ZNF8: variants seen among roughly 807,000 people sequenced by gnomAD.
ZNF8 encodes zinc finger protein 272.
In ZNF8, 9 loss-of-function variants were observed where a neutral mutation model predicts 12.2. That is an observed-to-expected ratio of 0.73 (90% confidence interval 0.44 to 1.28). The LOEUF is 1.28. Ranked by LOEUF, ZNF8 falls within the 50% of genes most tolerant of loss-of-function variation. The probability of loss-of-function intolerance (pLI) is 0.00; values close to 1 mark genes in which losing one functional copy is unlikely to be tolerated. For synonymous variants in ZNF8, 274 were observed against 282.3 expected, an observed-to-expected ratio of 0.97 and a Z score of 0.30; for missense variants, 664 against 729.1, an observed-to-expected ratio of 0.91 and a Z score of 1.03.
In ZNF8 at chr19:58,302,071, T is replaced by G. The variant is rs2051494593; in HGVS notation, c.*6535T>G. The G allele has an allele frequency of 6.6e-6, 1 of 152,192 alleles. No homozygotes were observed. Among genetic ancestry groups the G allele is most frequent in the African/African-American group, 2.4e-5 (1 of 41,442 alleles). The allele number at this position is 152,192 out of a possible 1,614,324, so 9.4% of individuals were successfully genotyped here. A position where few individuals can be genotyped will look rare whatever the true frequency, so the allele number is the denominator to read the frequency against. ...GCTTGAATATTCCTTATCGAAATGCTTGGGACCAGAAGTGTTTCAGATCTT... is the reference window on the plus strand; with the variant it reads ...GCTTGAATATTCCTTATCGAAATGCGTGGGACCAGAAGTGTTTCAGATCTT... On this transcript the variant is annotated 3_prime_UTR_variant, in exon 4 of 4. Coordinates refer to ENST00000621650, the MANE Select transcript of ZNF8 (RefSeq NM_021089.3).
chr19:58,279,195 T>A, intron 1 of ZNF8, 48 bp downstream of exon 1: 2 of 1,541,708 alleles, frequency 1.3e-6, no homozygotes, highest in Non-Finnish European at 8.7e-7. Context: ...GGCAAGCGTC[T>A]CCCGCGCAGA....
chr19:58,283,599 CTTTT>C (rs34775791), intron 1 of ZNF8, among the ~76,000 whole-genome samples: 4 of 122,862 alleles, frequency 3.3e-5, no homozygotes, highest in South Asian at 2.7e-4. Flanking sequence ...GAAATAAACT[CTTTT>C]TTTTTTTTTT....
chr19:58,300,504 G>C lies in ZNF8; in HGVS notation c.*4968G>C, dbSNP rs75258501. The C allele has an allele frequency of 2.0e-5, 3 of 152,372 alleles. No individual in the cohort carries two copies. In the South Asian group the frequency reaches 6.2e-4, roughly 32 times the overall value. The allele number at this position is 152,372 out of a possible 1,614,324, so 9.4% of individuals were successfully genotyped here. On this transcript the variant is annotated 3_prime_UTR_variant, in exon 4 of 4. Coordinates refer to ENST00000621650, the MANE Select transcript of ZNF8 (RefSeq NM_021089.3). ...AGTCTCACTGGCCACAGATGGGTCA[G>C]GGGGCCACCCCTAATAACAACGGGG...
chr19:58,285,363 T>C (rs914388649), intron 1 of ZNF8, among the ~76,000 whole-genome samples: 2 of 152,194 alleles, frequency 1.3e-5, no homozygotes, highest in African/African-American at 2.4e-5. Flanking sequence ...TGTGTAACAC[T>C]GTCCTAAAAC....
intron 3 of ZNF8, among the ~76,000 whole-genome samples, chr19:58,288,163 T>C (rs365040): frequency 0.24 from 36,789 of 151,902 alleles, 4,706 homozygotes; most frequent in East Asian, 0.48. Flanking sequence ...CCTGGTCACA[T>C]GTCTAGATTC....
Position 58,295,557 on chromosome 19 carries a change from CTT to C in ZNF8, c.*24_*25del, listed in dbSNP as rs755742462. The C allele has an allele frequency of 7.7e-6, 12 of 1,554,318 alleles. No individual in the cohort carries two copies. Among genetic ancestry groups the C allele is most frequent in the Non-Finnish European group, 1.0e-5 (12 of 1,147,082 alleles). ...CATAGGAGAGAAACTTTGCTGATGA[CTT>C]TTAACCACAAGTAAAAAATGTGGTA... On this transcript the variant is annotated 3_prime_UTR_variant, in exon 4 of 4. Transcript: ENST00000621650.
chr19:58,280,052 GGAAT>G (rs1409864299), intron 1 of ZNF8: 1 of 376,924 alleles, frequency 2.7e-6, no homozygotes, highest in South Asian at 2.2e-5. Flanking sequence ...TGGGGGACAA[GGAAT>G]GAGTCGTAAG....
rs1443591188 is a variant in ZNF8 at position 58,278,958 on chromosome 19, G to C, written c.-124G>C. On this transcript the variant is annotated 5_prime_UTR_variant, in exon 1 of 4. Coordinates refer to ENST00000621650, the MANE Select transcript of ZNF8 (RefSeq NM_021089.3). ...GCCGCACGGCCTACTGGGAGTTGTAGTCGCCGCGTCGCCGGTGCGGCCGCC... is the reference window on the plus strand; with the variant it reads ...GCCGCACGGCCTACTGGGAGTTGTACTCGCCGCGTCGCCGGTGCGGCCGCC... 4 of 1,204,630 alleles carry C rather than the reference G, an allele frequency of 3.3e-6. No homozygotes were observed. The highest frequency in any genetic ancestry group is 4.4e-6 in the Non-Finnish European group (4 of 916,552). 74.6% of individuals were successfully genotyped at this position (1,204,630 alleles called of 1,614,324 possible).
chr19:58,289,153 G>A (rs979556008), intron 3 of ZNF8, among the ~76,000 whole-genome samples: 7 of 152,274 alleles, frequency 4.6e-5, no homozygotes, highest in Middle Eastern at 3.4e-3. Flanking sequence ...CTTTGTATTA[G>A]TTTCCTGTTG....
At chr19:58,283,012 T>C (rs892415414) in intron 1 of ZNF8, among the ~76,000 whole-genome samples, 2 of 151,352 alleles carry the variant, frequency 1.3e-5, no homozygotes, top group African/African-American at 4.9e-5. Context: ...GATGTCACTC[T>C]GGTTGCTTAG....
chr19:58,279,004 T>C lies in ZNF8; in HGVS notation c.-78T>C. 2.3e-6 allele frequency: 3 copies of C among 1,327,620 alleles called. No individual in the cohort carries two copies. Among genetic ancestry groups the C allele is most frequent in the Non-Finnish European group, 2.9e-6 (3 of 1,030,116 alleles). The allele number at this position is 1,327,620 out of a possible 1,614,324, so 82.2% of individuals were successfully genotyped here. A position where few individuals can be genotyped will look rare whatever the true frequency, so the allele number is the denominator to read the frequency against. ...CCGCCATTGTCCGGCGTTCGGCGAG[T>C]CGGGTGGTCCCTTTGGCTGGAGTGC... is the stretch of plus-strand genomic sequence containing the variant. On this transcript the variant is annotated 5_prime_UTR_variant, in exon 1 of 4. Coordinates refer to ENST00000621650, the MANE Select transcript of ZNF8 (RefSeq NM_021089.3).
chr19:58,285,630 GC>G (rs1254092707), intron 1 of ZNF8, 86 bp from the exon 2 acceptor site: 8 of 1,596,980 alleles, frequency 5.0e-6, no homozygotes, highest in Non-Finnish European at 6.0e-6. Context: ...ACACAGGCCT[GC>G]CTGTTTTCTC....
In ZNF8 at chr19:58,286,098, C is replaced by T. The variant is rs1170408343; in HGVS notation, c.194-12C>T. 5 of 1,612,976 alleles carry T rather than the reference C, an allele frequency of 3.1e-6. No individual in the cohort carries two copies. Among genetic ancestry groups the T allele is most frequent in the Non-Finnish European group, 4.2e-6 (5 of 1,179,466 alleles). Reference sequence around the variant, plus strand: ...GCAGCCCCTCACCTCCTGTGTTTTTCCCCATTTCCAGGTCCTGAGCTTCCG... The same window carrying T: ...GCAGCCCCTCACCTCCTGTGTTTTTTCCCATTTCCAGGTCCTGAGCTTCCG... On this transcript the variant is annotated splice_polypyrimidine_tract_variant and intron_variant, in intron 2 of 3. Transcript: ENST00000621650.
intron 1 of ZNF8, among the ~76,000 whole-genome samples, chr19:58,280,817 C>T (rs1345367798): frequency 6.6e-6 from 1 of 152,144 alleles, no homozygotes; most frequent in African/African-American, 2.4e-5. Context: ...AGGTACAGAC[C>T]TTCTATTCCT....
chr19:58,285,503 T>G (rs1177735488), intron 1 of ZNF8, among the ~76,000 whole-genome samples: 2 of 152,198 alleles, frequency 1.3e-5, no homozygotes, highest in Non-Finnish European at 2.9e-5. Context: ...CTGGCGTTGT[T>G]GATCTTGGTG....
intron 1 of ZNF8, among the ~76,000 whole-genome samples, chr19:58,281,499 A>G (rs972239382): frequency 2.0e-5 from 3 of 152,178 alleles, no homozygotes; most frequent in African/African-American, 4.8e-5. Context: ...AAGGACTTGT[A>G]TGATGCCACT....
chr19:58,287,865 CT>C (rs35762006), intron 3 of ZNF8, among the ~76,000 whole-genome samples: 106 of 115,660 alleles, frequency 9.2e-4, no homozygotes, highest in Admixed American at 1.2e-3. Context: ...TTCTTTCTTC[CT>C]TTTTTTTTTT....
Position 58,279,615 on chromosome 19 carries a change from G to A in ZNF8, c.66+468G>A, listed in dbSNP as rs1048278060. The A allele has an allele frequency of 9.1e-6, 14 of 1,534,038 alleles. No homozygotes were observed. The African/African-American group carries it at 1.5e-4, about 17-fold the overall frequency. On this transcript the variant is annotated intron_variant, in intron 1 of 3. Coordinates refer to ENST00000621650, the MANE Select transcript of ZNF8 (RefSeq NM_021089.3). ...GGGACCCCAGCACCGCGGAGCCCCT[G>A]CCCTGGGGCTTGGGCACAACCTCTT...
chr19:58,288,415 G>C (rs432181), intron 3 of ZNF8, among the ~76,000 whole-genome samples: 2 of 151,874 alleles, frequency 1.3e-5, no homozygotes, highest in African/African-American at 4.8e-5. Context: ...AGCCATCACA[G>C]TTGTGCTCCA....
Sources: gnomAD v4.1 joint callset for allele counts (sites outside exome capture counted in the v4.1 genomes callset) on GRCh38, gnomAD v4.1.1 for gene constraint, MANE v1.5 for transcripts, NCBI Gene and HGNC (gene_info 2026-07-23, HGNC 2026-07-21) for gene names.